Variants in ME1 observed in about 807,000 individuals in gnomAD.
The protein encoded by ME1 is malic enzyme 1.
A neutral mutation model predicts 66.4 loss-of-function variants in ME1; 74 were observed. The ratio of observed to expected loss-of-function variants is 1.11; its 90% CI spans 0.92 to 1.35. The LOEUF (loss-of-function observed/expected upper bound fraction) is 1.35, where lower values mean the gene tolerates loss of function less well. Ranked by LOEUF, ME1 falls within the 40% of genes most tolerant of loss-of-function variation. ME1 has a pLI of 0.00. For missense variants in ME1, 750 were observed against 694.1 expected (o/e 1.08, Z -0.90); for synonymous variants, 251 against 235.6 (o/e 1.07, Z -0.60).
intron 5 of ME1, among the ~76,000 whole-genome samples, chr6:83,330,148 T>A (rs1368485007): frequency 6.6e-6 from 1 of 152,180 alleles, no homozygotes; most frequent in Non-Finnish European, 1.5e-5. Context: ...CTGAAAGTAT[T>A]CTTTAAATAT....
intron 6 of ME1, among the ~76,000 whole-genome samples, chr6:83,310,936 C>A (rs757145902): frequency 6.6e-6 from 1 of 152,056 alleles, no homozygotes; most frequent in Non-Finnish European, 1.5e-5. Context: ...AAGTCAGAAT[C>A]CTAGTTACAA....
chr6:83,239,098 G>GT (rs1377254837), intron 8 of ME1, among the ~76,000 whole-genome samples: 3 of 151,476 alleles, frequency 2.0e-5, no homozygotes, highest in African/African-American at 7.3e-5. Context: ...AATTCAAAAT[G>GT]TTTTTTCTTA....
chr6:83,364,603 C>T (rs1440445726), intron 3 of ME1, among the ~76,000 whole-genome samples: 2 of 152,160 alleles, frequency 1.3e-5, no homozygotes, highest in Non-Finnish European at 2.9e-5. Context: ...CATGTGCTCA[C>T]TGATCCAGGT....
chr6:83,358,866 GTTT>G (rs554857952), intron 3 of ME1, among the ~76,000 whole-genome samples: 1 of 146,390 alleles, frequency 6.8e-6, no homozygotes, highest in African/African-American at 2.5e-5. Context: ...GCAAGATAAT[GTTT>G]TTTTTTTTCT....
chr6:83,343,156 T>C (rs1037621055), intron 5 of ME1, among the ~76,000 whole-genome samples: 1 of 152,152 alleles, frequency 6.6e-6, no homozygotes, highest in Non-Finnish European at 1.5e-5. Flanking sequence ...CTCTTCATCC[T>C]CCCACCCTCT....
At chr6:83,311,064 T>C (rs1767921853) in intron 6 of ME1, among the ~76,000 whole-genome samples, 1 of 152,122 alleles carries the variant, frequency 6.6e-6, no homozygotes, top group Non-Finnish European at 1.5e-5. Flanking sequence ...CCTTCTTTCT[T>C]GGGATGATAA....
intron 13 of ME1, among the ~76,000 whole-genome samples, chr6:83,214,293 C>A (rs1202127081): frequency 6.6e-6 from 1 of 152,196 alleles, no homozygotes; most frequent in Non-Finnish European, 1.5e-5. Context: ...GAAATCTTCA[C>A]TCTCTCTGTC....
At chr6:83,412,901 G>A (rs987324981) in intron 1 of ME1, among the ~76,000 whole-genome samples, 10 of 152,268 alleles carry the variant, frequency 6.6e-5, no homozygotes, top group African/African-American at 2.4e-4. Flanking sequence ...CCTTATTGTG[G>A]TGTTGATTAC....
Position 83,241,324 on chromosome 6 carries a change from T to G in ME1, c.815-1688A>C, listed in dbSNP as rs990319525. On this transcript the variant is annotated intron_variant, in intron 7 of 13. Transcript: ENST00000369705. ...CTGAGATTCTATGATTTTAAGGGTT[T>G]CTATAAGATTTAACCAATTGAAGCA... Among the ~76,000 whole-genome samples the G allele has an allele frequency of 1.7e-4, 26 of 152,150 alleles. 1 individual carries two copies. The highest frequency in any genetic ancestry group is 3.2e-3 in the Middle Eastern group (1 of 316).
chr6:83,297,932 T>C (rs1006828700), intron 6 of ME1, among the ~76,000 whole-genome samples: 23 of 152,216 alleles, frequency 1.5e-4, no homozygotes, highest in African/African-American at 5.3e-4. Flanking sequence ...ATGGTGTGTA[T>C]GTACCACATT....
intron 6 of ME1, among the ~76,000 whole-genome samples, chr6:83,312,030 AC>A (rs1767940343): frequency 6.6e-6 from 1 of 152,142 alleles, no homozygotes; most frequent in Non-Finnish European, 1.5e-5. Flanking sequence ...TAATTTTTAG[AC>A]CCAGAACCCA....
chr6:83,417,090 C>T (rs1770174894), intron 1 of ME1, among the ~76,000 whole-genome samples: 1 of 152,072 alleles, frequency 6.6e-6, no homozygotes, highest in East Asian at 1.9e-4. Context: ...CAGTCTGTTG[C>T]CCAGGATAGA....
intron 6 of ME1, among the ~76,000 whole-genome samples, chr6:83,309,628 T>G (rs1311422531): frequency 3.3e-5 from 5 of 152,112 alleles, no homozygotes; most frequent in African/African-American, 1.2e-4. Context: ...TTTTACCACG[T>G]GATTCTGAAG....
At chr6:83,328,511 T>C (rs1423089783) in intron 5 of ME1, among the ~76,000 whole-genome samples, 1 of 152,204 alleles carries the variant, frequency 6.6e-6, no homozygotes, top group Non-Finnish European at 1.5e-5. Context: ...AATTAGTTTT[T>C]TTAATTTCAT....
intron 12 of ME1, among the ~76,000 whole-genome samples, chr6:83,217,409 A>T (rs1790013833): frequency 1.3e-5 from 2 of 152,238 alleles, no homozygotes; most frequent in South Asian, 4.1e-4. Context: ...AATATCTTTT[A>T]GATTTTTAAA....
intron 1 of ME1, among the ~76,000 whole-genome samples, chr6:83,417,138 T>A (rs1221478180): frequency 1.3e-5 from 2 of 152,092 alleles, no homozygotes; most frequent in African/African-American, 4.8e-5. Flanking sequence ...CAGCCTCGAA[T>A]TCCTGGGCTC....
At chr6:83,269,559 G>A (rs1158067654) in intron 6 of ME1, among the ~76,000 whole-genome samples, 1 of 152,026 alleles carries the variant, frequency 6.6e-6, no homozygotes. Context: ...TTGTCTAATT[G>A]GCTTTCCCTC....
At chr6:83,320,865 G>A (rs1200239264) in intron 5 of ME1, among the ~76,000 whole-genome samples, 1 of 152,170 alleles carries the variant, frequency 6.6e-6, no homozygotes, top group Non-Finnish European at 1.5e-5. Flanking sequence ...TCCCAGGTAA[G>A]ATGACCAAAT....
At chr6:83,419,203 C>T (rs949700634) in intron 1 of ME1, among the ~76,000 whole-genome samples, 11 of 152,088 alleles carry the variant, frequency 7.2e-5, no homozygotes, top group Non-Finnish European at 7.3e-5. Context: ...TAGCAATAGC[C>T]AACCCGCATG....
Sources: allele counts gnomAD v4.1 joint callset (sites outside exome capture counted in the v4.1 genomes callset), GRCh38; gene constraint gnomAD v4.1.1; transcripts MANE v1.5; gene names NCBI Gene and HGNC (gene_info 2026-07-23, HGNC 2026-07-21).